The following CADM2 variants were observed in gnomAD, a reference collection of about 807,000 sequenced individuals.
The protein encoded by CADM2 is immunoglobulin superfamily member 4D.
Under a neutral mutation model 49.8 loss-of-function variants are expected in CADM2, and 12 were observed. That is an observed-to-expected ratio of 0.24 (90% confidence interval 0.15 to 0.39). The LOEUF (loss-of-function observed/expected upper bound fraction) is 0.39. CADM2 is among the 10% of genes least tolerant of loss of function. The pLI is 1.00. For missense variants in CADM2, 378 were observed against 492.3 expected (o/e 0.77, Z 2.20); for synonymous variants, 214 against 175.4 (o/e 1.22, Z -1.74).
rs938746820 is a variant in CADM2, at chr3:85,342,267, C to G, written c.61+382599C>G. On this transcript the variant is annotated intron_variant, in intron 1 of 9. Transcript: ENST00000383699. ...GCCAACAGACATATGAAAAAATGCTCATCATCACTGGCCATGAGAAAAAAT... is the reference window on the plus strand; with the variant it reads ...GCCAACAGACATATGAAAAAATGCTGATCATCACTGGCCATGAGAAAAAAT... Among the ~76,000 whole-genome samples, 3 of 151,964 alleles carry G rather than the reference C, an allele frequency of 2.0e-5. No homozygotes were observed. In the East Asian group the frequency reaches 5.8e-4, roughly 29 times the overall value.
At chr3:85,984,716 G>C (rs1358519229) in intron 8 of CADM2, among the ~76,000 whole-genome samples, 1 of 151,888 alleles carries the variant, frequency 6.6e-6, no homozygotes, top group African/African-American at 2.4e-5. Context: ...CAATGTACCA[G>C]ATAGGGAAAG....
At chr3:85,709,460 G>A (rs148907870) in intron 1 of CADM2, among the ~76,000 whole-genome samples, 329 of 152,178 alleles carry the variant, frequency 2.2e-3, no homozygotes, top group African/African-American at 7.0e-3. Context: ...CTCTCTAAGA[G>A]GCAGTGCTTT....
At chr3:85,749,627 A>G (rs1046927228) in intron 2 of CADM2, among the ~76,000 whole-genome samples, 3 of 152,066 alleles carry the variant, frequency 2.0e-5, no homozygotes, top group Non-Finnish European at 4.4e-5. Context: ...AGCAAACTAT[A>G]GACAAGTTTT....
At chr3:85,005,034 T>C (rs2033656106) in intron 1 of CADM2, among the ~76,000 whole-genome samples, 1 of 152,146 alleles carries the variant, frequency 6.6e-6, no homozygotes, top group Non-Finnish European at 1.5e-5. Flanking sequence ...AGAAACAACC[T>C]TTAATATCAG....
chr3:85,002,904 G>A (rs1436282172), intron 1 of CADM2, among the ~76,000 whole-genome samples: 1 of 152,042 alleles, frequency 6.6e-6, no homozygotes, highest in East Asian at 1.9e-4. Context: ...TCCCACCTCA[G>A]CCTCCCAAAT....
At chr3:85,717,149 G>C (rs2067322752) in intron 1 of CADM2, among the ~76,000 whole-genome samples, 1 of 152,048 alleles carries the variant, frequency 6.6e-6, no homozygotes, top group Admixed American at 6.6e-5. Flanking sequence ...TTTTCCATTT[G>C]TTTGTTTCCC....
At chr3:85,759,116 T>A (rs941882764) in intron 2 of CADM2, among the ~76,000 whole-genome samples, 4 of 152,062 alleles carry the variant, frequency 2.6e-5, no homozygotes, top group African/African-American at 9.7e-5. Context: ...ATTAATTTTT[T>A]AAAATAATAA....
intron 3 of CADM2, among the ~76,000 whole-genome samples, chr3:85,850,921 C>T (rs1441944295): frequency 2.0e-5 from 3 of 152,032 alleles, no homozygotes; most frequent in East Asian, 3.9e-4. Flanking sequence ...TACTGGATGC[C>T]GAGACCTCTA....
At chr3:85,870,879 CA>C (rs951899930) in intron 3 of CADM2, among the ~76,000 whole-genome samples, 2 of 151,982 alleles carry the variant, frequency 1.3e-5, no homozygotes, top group African/African-American at 4.8e-5. Context: ...ATACCATATA[CA>C]AAAAAATCAA....
Position 85,979,433 on chromosome 3 carries a change from G to T in CADM2, c.970+17786G>T, listed in dbSNP as rs530682444. The stretch of plus-strand genomic sequence containing the variant: ...AAATTGCTATCAATTAGGGTTATTG[G>T]AATAGAATATGAGAAATGATGGTAC... On this transcript the variant is annotated intron_variant, in intron 8 of 9. Transcript: ENST00000383699. The T allele has an allele frequency of 1.7e-3, 1,354 of 814,426 alleles. 3 individuals carry two copies. In the Middle Eastern group the frequency reaches 0.022, roughly 13 times the overall value. 50.4% of individuals were successfully genotyped at this position (814,426 alleles called of 1,614,324 possible).
chr3:85,715,580 T>C (rs1157027993), intron 1 of CADM2, among the ~76,000 whole-genome samples: 1 of 152,198 alleles, frequency 6.6e-6, no homozygotes, highest in Non-Finnish European at 1.5e-5. Context: ...TAGATATTCA[T>C]GTGCCATGGT....
At chr3:85,609,889 A>G (rs940486135) in intron 1 of CADM2, among the ~76,000 whole-genome samples, 11 of 152,066 alleles carry the variant, frequency 7.2e-5, no homozygotes, top group African/African-American at 2.7e-4. Flanking sequence ...TAGGTGCAGT[A>G]ATCATAGAGG....
chr3:85,031,584 G>C (rs1392205694), intron 1 of CADM2, among the ~76,000 whole-genome samples: 6 of 152,132 alleles, frequency 3.9e-5, no homozygotes, highest in East Asian at 1.9e-4. Context: ...GCGCGATCTC[G>C]GCTCACTGCA....
intron 3 of CADM2, among the ~76,000 whole-genome samples, chr3:85,841,136 ATT>A (rs199518525): frequency 0.01 from 1,582 of 151,966 alleles, 37 homozygotes; most frequent in African/African-American, 0.036. Flanking sequence ...TCAATATTAT[ATT>A]ATAAACTCTT....
At chr3:85,333,437 G>A (rs1303960385) in intron 1 of CADM2, among the ~76,000 whole-genome samples, 1 of 151,622 alleles carries the variant, frequency 6.6e-6, no homozygotes, top group Non-Finnish European at 1.5e-5. Context: ...TAAATGCTTA[G>A]AAACAACTTT....
Position 85,359,666 on chromosome 3 carries a change from A to ATATATATATATATATATATTT in CADM2, c.62-366855_62-366854insATATATATATATATATATTTT. ...TATATATATATATATATATATATAT[A>ATATATATATATATATATATTT]TTTTTTTTTTTGGTGGAGGGGAGAA... On this transcript the variant is annotated intron_variant, in intron 1 of 9. Coordinates refer to ENST00000383699, the MANE Select transcript of CADM2 (RefSeq NM_001167675.2). Among the ~76,000 whole-genome samples, 98 of 26,492 alleles carry ATATATATATATATATATATTT rather than the reference A, an allele frequency of 3.7e-3. 5 individuals carry two copies. The highest frequency in any genetic ancestry group is 5.3e-3 in the African/African-American group (50 of 9,362). 17.4% of individuals were successfully genotyped at this position (26,492 alleles called of 152,430 possible). A position where few individuals can be genotyped will look rare whatever the true frequency, so the allele number is the denominator to read the frequency against.
intron 1 of CADM2, among the ~76,000 whole-genome samples, chr3:85,009,377 A>C (rs555181502): frequency 6.6e-6 from 1 of 152,318 alleles, no homozygotes; most frequent in East Asian, 1.9e-4. Context: ...TCACGAGTTG[A>C]AAGTCCTTAG....
rs1491378560 is a variant in CADM2 at position 85,427,200 on chromosome 3, A to ATT, written c.62-299321_62-299320insTT. On this transcript the variant is annotated intron_variant, in intron 1 of 9. Transcript: ENST00000383699. ...TATATATATATATATATATATATAT[A>ATT]TGTATAATAAGTTTGTAGCTACCAT... 5.1e-3 allele frequency among the ~76,000 whole-genome samples: 648 copies of ATT among 126,548 alleles called. 29 individuals carry two copies. The highest frequency in any genetic ancestry group is 0.038 in the Admixed American group (443 of 11,512). 83.0% of individuals were successfully genotyped at this position (126,548 alleles called of 152,430 possible). A position where few individuals can be genotyped will look rare whatever the true frequency, so the allele number is the denominator to read the frequency against.
At chr3:85,516,844 T>C (rs918388910) in intron 1 of CADM2, among the ~76,000 whole-genome samples, 4 of 152,106 alleles carry the variant, frequency 2.6e-5, no homozygotes, top group Admixed American at 2.6e-4. Context: ...CATTGGCAAC[T>C]GAATAAATGC....
Sources: allele counts gnomAD v4.1 joint callset (sites outside exome capture counted in the v4.1 genomes callset), GRCh38; gene constraint gnomAD v4.1.1; transcripts MANE v1.5; gene names NCBI Gene and HGNC (gene_info 2026-07-23, HGNC 2026-07-21).